FER: variants seen among roughly 807,000 people sequenced by gnomAD.
The protein encoded by FER is tyrosine-protein kinase Fer.
FER carries 63 observed loss-of-function variants against 111.0 expected under a neutral mutation model. That is an observed-to-expected ratio of 0.57 (90% CI 0.46 to 0.70). The LOEUF is 0.70. Ranked by LOEUF, FER falls within the 30% of genes least tolerant of loss-of-function variation. The probability of loss-of-function intolerance (pLI) is 0.00; values close to 1 mark genes in which losing one functional copy is unlikely to be tolerated. For synonymous variants in FER, 327 were observed against 313.9 expected, an observed-to-expected ratio of 1.04 and a Z score of -0.44; for missense variants, 914 against 954.0, an observed-to-expected ratio of 0.96 and a Z score of 0.55.
At chr5:108,913,091 TGA>T (rs1751779350) in intron 10 of FER, among the ~76,000 whole-genome samples, 1 of 152,154 alleles carries the variant, frequency 6.6e-6, no homozygotes, top group South Asian at 2.1e-4. Context: ...AGGGAGTGTC[TGA>T]GAGGTAGATG....
At chr5:109,090,190 C>T (rs186498955) in intron 16 of FER, among the ~76,000 whole-genome samples, 2 of 151,986 alleles carry the variant, frequency 1.3e-5, no homozygotes, top group African/African-American at 4.8e-5. Context: ...ACAGAACCTG[C>T]GGTAGTACAG....
intron 13 of FER, among the ~76,000 whole-genome samples, chr5:108,962,705 A>T (rs748517915): frequency 2.0e-5 from 3 of 152,160 alleles, no homozygotes; most frequent in Non-Finnish European, 4.4e-5. Context: ...ATCTCATTTA[A>T]CCTCACATAT....
chr5:108,903,854 A>G (rs1370528628), intron 10 of FER, among the ~76,000 whole-genome samples: 1 of 152,234 alleles, frequency 6.6e-6, no homozygotes, highest in Non-Finnish European at 1.5e-5. Context: ...GCACATTTAC[A>G]TGGGTCTAAG....
chr5:109,085,626 C>G (rs1025904481), intron 16 of FER, among the ~76,000 whole-genome samples: 2 of 151,496 alleles, frequency 1.3e-5, no homozygotes, highest in African/African-American at 4.8e-5. Context: ...TTGCCTTGGT[C>G]CTGATTCTGA....
intron 10 of FER, among the ~76,000 whole-genome samples, chr5:108,931,136 A>G (rs1403725589): frequency 6.6e-6 from 1 of 152,212 alleles, no homozygotes; most frequent in African/African-American, 2.4e-5. Flanking sequence ...TAGTGTTCAT[A>G]GAAGATTAAA....
chr5:109,060,095 A>G (rs528522664), intron 16 of FER, among the ~76,000 whole-genome samples: 2 of 152,332 alleles, frequency 1.3e-5, no homozygotes, highest in East Asian at 1.9e-4. Flanking sequence ...TTCCATTTAT[A>G]TGAAATACCC....
chr5:109,117,934 T>A (rs1294212356), intron 17 of FER, among the ~76,000 whole-genome samples: 3 of 152,048 alleles, frequency 2.0e-5, no homozygotes, highest in Non-Finnish European at 2.9e-5. Flanking sequence ...TTTCTAGATA[T>A]ACAATCATGT....
intron 5 of FER, among the ~76,000 whole-genome samples, chr5:108,853,983 C>G (rs1382595459): frequency 2.6e-5 from 4 of 152,116 alleles, no homozygotes; most frequent in Non-Finnish European, 5.9e-5. Flanking sequence ...CTGGTTTGGA[C>G]CTGGTTGGTA....
chr5:108,869,155 C>T (rs2150240073), intron 6 of FER, among the ~76,000 whole-genome samples: 1 of 152,212 alleles, frequency 6.6e-6, no homozygotes, highest in South Asian at 2.1e-4. Context: ...TAAAACAAAA[C>T]ATTTCATTTA....
intron 18 of FER, among the ~76,000 whole-genome samples, 177 bp downstream of exon 18, chr5:109,181,078 A>G (rs1378260990): frequency 3.3e-5 from 5 of 152,212 alleles, no homozygotes; most frequent in African/African-American, 9.6e-5. Flanking sequence ...AGATTTCTAT[A>G]TGTAACATTG....
intron 17 of FER, among the ~76,000 whole-genome samples, chr5:109,173,670 C>T (rs1180468752): frequency 1.3e-5 from 2 of 152,056 alleles, no homozygotes; most frequent in Non-Finnish European, 2.9e-5. Context: ...GCCCTGTCCT[C>T]CTAATCCCTT....
In FER at chr5:108,957,893, T is replaced by C. The variant is rs551679323; in HGVS notation, c.1534-1332T>C. On this transcript the variant is annotated intron_variant, in intron 12 of 19. Coordinates refer to ENST00000281092, the MANE Select transcript of FER (RefSeq NM_005246.4). ...ACACTGAGAGATCTTTCTCAGTGTT[T>C]TGCACACCTAGAAACATATATTATT... Among the ~76,000 whole-genome samples the C allele has an allele frequency of 5.9e-5, 9 of 151,686 alleles. No individual in the cohort carries two copies. In the South Asian group the frequency reaches 1.2e-3, roughly 21 times the overall value.
intron 16 of FER, among the ~76,000 whole-genome samples, chr5:109,069,702 T>A (rs764797255): frequency 4.6e-5 from 7 of 152,132 alleles, no homozygotes; most frequent in Non-Finnish European, 8.8e-5. Context: ...GAAGAAAAGA[T>A]GTTGATGTCA....
rs562676443 is a variant in FER, at chr5:108,786,951, G to A, written c.-59-11173G>A. ...TGGTGGTGGCAGCCTATCTGGAGCA[G>A]CTGCTGTGGAGACGCCAGCTGTGGC... On this transcript the variant is annotated intron_variant, in intron 2 of 19. Transcript: ENST00000281092. Among the ~76,000 whole-genome samples the A allele has an allele frequency of 3.0e-4, 46 of 152,278 alleles. 2 individuals carry two copies. Among genetic ancestry groups the A allele is most frequent in the African/African-American group, 1.1e-3 (46 of 41,554 alleles).
At chr5:109,106,018 A>G (rs1277083285) in intron 17 of FER, among the ~76,000 whole-genome samples, 5 of 152,220 alleles carry the variant, frequency 3.3e-5, no homozygotes, top group African/African-American at 9.6e-5. Flanking sequence ...GCCCAAGATC[A>G]TATTAAAAAC....
At chr5:108,797,772 C>T (rs929247185) in intron 2 of FER, among the ~76,000 whole-genome samples, 4 of 152,180 alleles carry the variant, frequency 2.6e-5, no homozygotes, top group Non-Finnish European at 5.9e-5. Context: ...GGCAGGGAGG[C>T]ATAATTGGTG....
chr5:108,811,931 G>A (rs900850046), intron 3 of FER, among the ~76,000 whole-genome samples: 1 of 151,294 alleles, frequency 6.6e-6, no homozygotes, highest in African/African-American at 2.4e-5. Context: ...TCTTCTGGTG[G>A]ATCTTCTTTA....
chr5:108,867,463 C>A (rs1228507170), intron 5 of FER, among the ~76,000 whole-genome samples: 1 of 152,012 alleles, frequency 6.6e-6, no homozygotes, highest in East Asian at 1.9e-4. Context: ...ACTGCTGTTT[C>A]AATTTGGTAT....
At chr5:108,850,056 A>G (rs553858286) in intron 5 of FER, among the ~76,000 whole-genome samples, 17 of 152,062 alleles carry the variant, frequency 1.1e-4, no homozygotes, top group Admixed American at 2.0e-4. Flanking sequence ...TTAGCTGGGC[A>G]TGGTGGTGCG....
Sources: gnomAD v4.1 joint callset for allele counts (sites outside exome capture counted in the v4.1 genomes callset) on GRCh38, gnomAD v4.1.1 for gene constraint, MANE v1.5 for transcripts, NCBI Gene and HGNC (gene_info 2026-07-23, HGNC 2026-07-21) for gene names.